The following KLHL29 variants were observed in gnomAD, a reference collection of about 807,000 sequenced individuals.
KLHL29 encodes the protein kelch like family member 29.
A neutral mutation model predicts 80.4 loss-of-function variants in KLHL29; 21 were observed. The ratio of observed to expected loss-of-function variants is 0.26; its 90% CI spans 0.19 to 0.38. The LOEUF (loss-of-function observed/expected upper bound fraction) is 0.38, where lower values mean the gene tolerates loss of function less well. Among genes scored for constraint, KLHL29 ranks in the 10% least tolerant of loss-of-function variants. The pLI is 1.00. For synonymous variants in KLHL29, 511 were observed against 526.8 expected (o/e 0.97, Z 0.41); for missense variants, 867 against 1,223.9 (o/e 0.71, Z 4.35).
At chr2:23,391,190 G>A (rs967344467) in intron 1 of KLHL29, among the ~76,000 whole-genome samples, 26 of 152,250 alleles carry the variant, frequency 1.7e-4, no homozygotes, top group South Asian at 2.1e-4. Flanking sequence ...TTAGCATAAC[G>A]TCTTCCAGGT....
chr2:23,666,662 C>T (rs926446198), intron 5 of KLHL29, among the ~76,000 whole-genome samples: 3 of 152,236 alleles, frequency 2.0e-5, no homozygotes, highest in Admixed American at 6.5e-5. Flanking sequence ...CACCTCTGAT[C>T]GTGACTGAGC....
At chr2:23,658,917 C>T (rs952861154) in intron 5 of KLHL29, among the ~76,000 whole-genome samples, 4 of 152,146 alleles carry the variant, frequency 2.6e-5, no homozygotes, top group African/African-American at 9.7e-5. Flanking sequence ...GGTCAGAATT[C>T]GGAGGCCCCA....
At chr2:23,595,366 A>G (rs1252712085) in intron 3 of KLHL29, among the ~76,000 whole-genome samples, 1 of 152,260 alleles carries the variant, frequency 6.6e-6, no homozygotes, top group African/African-American at 2.4e-5. Context: ...CTGAGGTCCC[A>G]GCATGTTAAC....
chr2:23,517,862 C>A (rs912459354), intron 2 of KLHL29, among the ~76,000 whole-genome samples: 1 of 152,172 alleles, frequency 6.6e-6, no homozygotes, highest in South Asian at 2.1e-4. Flanking sequence ...GATACATTGG[C>A]CTTCCATTCT....
At chr2:23,422,300 G>T (rs1339417980) in intron 1 of KLHL29, among the ~76,000 whole-genome samples, 1 of 151,058 alleles carries the variant, frequency 6.6e-6, no homozygotes, top group African/African-American at 2.4e-5. Context: ...TGTGCATTTT[G>T]TGTTTCCTTA....
chr2:23,488,472 C>G (rs1244225358), intron 2 of KLHL29, among the ~76,000 whole-genome samples: 1 of 152,210 alleles, frequency 6.6e-6, no homozygotes, highest in Admixed American at 6.5e-5. Flanking sequence ...GCTACAATTC[C>G]CCATTGCGGG....
chr2:23,516,999 G>C (rs1665953195), intron 2 of KLHL29, among the ~76,000 whole-genome samples: 1 of 152,190 alleles, frequency 6.6e-6, no homozygotes, highest in African/African-American at 2.4e-5. Flanking sequence ...GCAAGAGCCT[G>C]GGTCCAGAAC....
chr2:23,689,547 C>G (rs1036875205), intron 6 of KLHL29: 4 of 152,334 alleles, frequency 2.6e-5, no homozygotes, highest in African/African-American at 7.2e-5. Flanking sequence ...TCCTGAAGTC[C>G]CCCTGGGCTC....
chr2:23,422,401 CTA>C (rs58166783), intron 1 of KLHL29, among the ~76,000 whole-genome samples: 46 of 149,520 alleles, frequency 3.1e-4, no homozygotes, highest in African/African-American at 1.1e-3. Flanking sequence ...TTTCATATGC[CTA>C]TGTGTCTGTG....
At chr2:23,474,752 A>G (rs1206667194) in intron 1 of KLHL29, among the ~76,000 whole-genome samples, 1 of 152,152 alleles carries the variant, frequency 6.6e-6, no homozygotes, top group East Asian at 1.9e-4. Flanking sequence ...CCTTCATATC[A>G]CATTAAAGCT....
chr2:23,390,001 C>G (rs13422671), intron 1 of KLHL29, among the ~76,000 whole-genome samples: 1 of 152,080 alleles, frequency 6.6e-6, no homozygotes, highest in Non-Finnish European at 1.5e-5. Context: ...TTACCTGCAC[C>G]TTAGATCAAA....
Position 23,605,638 on chromosome 2 carries a change from T to G in KLHL29, c.286-33501T>G, listed in dbSNP as rs534933860. On this transcript the variant is annotated intron_variant, in intron 3 of 13. Transcript: ENST00000486442. Reference sequence around the variant, plus strand: ...TTAGTGATTAGACTGCCCATGAAAATAGACACATATCCTAGCCTCTAGGCC... The same window carrying G: ...TTAGTGATTAGACTGCCCATGAAAAGAGACACATATCCTAGCCTCTAGGCC... Among the ~76,000 whole-genome samples the G allele has an allele frequency of 3.3e-5, 5 of 152,248 alleles. No individual in the cohort carries two copies. The South Asian group carries it at 1.0e-3, about 32-fold the overall frequency.
intron 1 of KLHL29, among the ~76,000 whole-genome samples, chr2:23,443,849 A>G (rs1387059008): frequency 6.6e-6 from 1 of 152,176 alleles, no homozygotes; most frequent in Admixed American, 6.5e-5. Context: ...TTAGCAAGTA[A>G]TCTGTTCGGG....
chr2:23,403,726 A>AGAGAGT lies in KLHL29; in HGVS notation c.-154+17947_-154+17948insAGAGTG, dbSNP rs534136885. Among the ~76,000 whole-genome samples the AGAGAGT allele has an allele frequency of 4.9e-3, 705 of 144,110 alleles. 5 individuals are homozygous for AGAGAGT. Among genetic ancestry groups the AGAGAGT allele is most frequent in the South Asian group, 0.029 (128 of 4,352 alleles). The allele number at this position is 144,110 out of a possible 152,430, so 94.5% of individuals were successfully genotyped here. ...ATGAAACCCAAAGAGAGAGAGAGAG[A>AGAGAGT]GTGTGTGTGTGTGTGTGTGTGTGTG... On this transcript the variant is annotated intron_variant, in intron 1 of 13. Coordinates refer to ENST00000486442, the MANE Select transcript of KLHL29 (RefSeq NM_052920.2).
intron 5 of KLHL29, among the ~76,000 whole-genome samples, chr2:23,678,819 A>G (rs758746534): frequency 2.4e-4 from 37 of 152,226 alleles, no homozygotes; most frequent in Admixed American, 3.9e-4. Context: ...TCACAGGACA[A>G]ATATTGCATA....
chr2:23,501,260 C>T (rs546470054), intron 2 of KLHL29, among the ~76,000 whole-genome samples: 2 of 152,076 alleles, frequency 1.3e-5, no homozygotes, highest in Admixed American at 6.5e-5. Context: ...CTTGCTAGAC[C>T]GGGTCCAATT....
At chr2:23,543,680 G>A (rs189937487) in intron 2 of KLHL29, among the ~76,000 whole-genome samples, 97 of 152,332 alleles carry the variant, frequency 6.4e-4, no homozygotes, top group African/African-American at 2.2e-3. Flanking sequence ...TTTCTGGGAC[G>A]GCTGGAGCTT....
intron 1 of KLHL29, among the ~76,000 whole-genome samples, chr2:23,424,446 C>T (rs879373217): frequency 6.6e-6 from 1 of 152,166 alleles, no homozygotes; most frequent in Non-Finnish European, 1.5e-5. Context: ...TCTATGCTTT[C>T]ATTTATAACC....
intron 1 of KLHL29, among the ~76,000 whole-genome samples, chr2:23,393,860 C>T (rs778127537): frequency 1.4e-4 from 22 of 152,280 alleles, no homozygotes; most frequent in Non-Finnish European, 2.1e-4. Flanking sequence ...ACTGCTGGCC[C>T]GGCACTGGCA....
Sources: allele counts gnomAD v4.1 joint callset (sites outside exome capture counted in the v4.1 genomes callset), GRCh38; gene constraint gnomAD v4.1.1; transcripts MANE v1.5; gene names NCBI Gene and HGNC (gene_info 2026-07-23, HGNC 2026-07-21).